CLCA1: variants seen among roughly 807,000 people sequenced by gnomAD.
CLCA1 encodes chloride channel accessory 1, also known as calcium-activated chloride channel regulator 1.
A neutral mutation model predicts 85.6 loss-of-function variants in CLCA1; 59 were observed. The ratio of observed to expected loss-of-function variants is 0.69; its 90% CI spans 0.56 to 0.86. The LOEUF is 0.86. Among genes scored for constraint, CLCA1 ranks in the 40% least tolerant of loss-of-function variants. The pLI, the probability that CLCA1 is intolerant of heterozygous loss-of-function variation, is 0.00. For synonymous variants in CLCA1, 396 were observed against 398.3 expected, an observed-to-expected ratio of 0.99 and a Z score of 0.07; for missense variants, 1,022 against 1,101.4, an observed-to-expected ratio of 0.93 and a Z score of 1.02.
Position 86,482,398 on chromosome 1 carries a change from T to C in CLCA1, c.735+16T>C, listed in dbSNP as rs767750471. ...TGTTGATTCTGTAAGTACCTTGTTC[T>C]CACCCCCTCCCCCAGATTCTTATGA... On this transcript the variant is annotated intron_variant, in intron 5 of 13. Transcript: ENST00000394711. 1.1e-5 allele frequency: 17 copies of C among 1,606,320 alleles called. No homozygotes were observed. The highest frequency in any genetic ancestry group is 1.7e-5 in the Admixed American group (1 of 59,554).
chr1:86,478,911 T>C (rs527244809), intron 4 of CLCA1, among the ~76,000 whole-genome samples: 160 of 152,354 alleles, frequency 1.1e-3, no homozygotes, highest in African/African-American at 3.7e-3. Flanking sequence ...GTTACTTCAT[T>C]CATATGATAC....
At chr1:86,469,279 A>G (rs1160723373) in intron 1 of CLCA1, 146 bp downstream of exon 1, 26 of 584,276 alleles carry the variant, frequency 4.4e-5, no homozygotes, top group Non-Finnish European at 7.3e-5. Context: ...AATGGAAATA[A>G]TAACAAGTTA....
intron 3 of CLCA1, 88 bp downstream of exon 3, chr1:86,473,964 C>A (rs1647570771): frequency 1.1e-6 from 1 of 904,976 alleles, no homozygotes; most frequent in South Asian, 3.2e-5. Context: ...TGTGAGTAAG[C>A]ATGTATAAGC....
At chr1:86,478,067 C>G (rs2101731711) in intron 4 of CLCA1, among the ~76,000 whole-genome samples, 1 of 152,286 alleles carries the variant, frequency 6.6e-6, no homozygotes, top group East Asian at 1.9e-4. Context: ...TTATAACAGT[C>G]AGACTCTGTA....
intron 9 of CLCA1, among the ~76,000 whole-genome samples, chr1:86,492,865 C>G (rs5744395): frequency 6.6e-6 from 1 of 152,126 alleles, no homozygotes; most frequent in Non-Finnish European, 1.5e-5. Context: ...ATAAGATGAG[C>G]TTCATATACC....
intron 9 of CLCA1, 100 bp from the exon 10 acceptor site, chr1:86,493,284 A>C (rs1648185568): frequency 8.4e-6 from 7 of 836,570 alleles, no homozygotes. Context: ...GCATCACTGA[A>C]GTCTTTTTAA....
chr1:86,490,915 A>AAAAAATAC (rs1648117325), intron 8 of CLCA1, among the ~76,000 whole-genome samples: 2 of 147,938 alleles, frequency 1.4e-5, no homozygotes, highest in African/African-American at 5.0e-5. Flanking sequence ...AAAAAAAAAA[A>AAAAAATAC]AAAAAAATAC....
intron 4 of CLCA1, among the ~76,000 whole-genome samples, chr1:86,479,244 A>G (rs1438728191): frequency 6.6e-6 from 1 of 152,262 alleles, no homozygotes; most frequent in Non-Finnish European, 1.5e-5. Context: ...GTTCAAAAAT[A>G]TAATAGAACA....
At chr1:86,469,459 T>C (rs2101724811) in intron 1 of CLCA1, among the ~76,000 whole-genome samples, 1 of 152,336 alleles carries the variant, frequency 6.6e-6, no homozygotes, top group East Asian at 1.9e-4. Flanking sequence ...TTGACAGATA[T>C]TGTGAGATGC....
intron 4 of CLCA1, among the ~76,000 whole-genome samples, chr1:86,477,677 G>A (rs140529114): frequency 6.6e-6 from 1 of 152,184 alleles, no homozygotes; most frequent in African/African-American, 2.4e-5. Flanking sequence ...AAAATTAAGG[G>A]AAAAACAAAC....
At chr1:86,488,265 C>T (rs1648037835) in intron 7 of CLCA1, among the ~76,000 whole-genome samples, 1 of 152,174 alleles carries the variant, frequency 6.6e-6, no homozygotes, top group Non-Finnish European at 1.5e-5. Flanking sequence ...AGAGTGGACT[C>T]TTGCTTTCTC....
At chr1:86,479,366 C>G (rs1340303313) in intron 4 of CLCA1, among the ~76,000 whole-genome samples, 2 of 151,788 alleles carry the variant, frequency 1.3e-5, no homozygotes, top group Non-Finnish European at 2.9e-5. Context: ...TAAAAGAAAA[C>G]CAAGGTAAAT....
chr1:86,479,133 C>G (rs1429022467), intron 4 of CLCA1, among the ~76,000 whole-genome samples: 1 of 152,064 alleles, frequency 6.6e-6, no homozygotes, highest in Admixed American at 6.5e-5. Context: ...TTAGAAAACA[C>G]AAGGAAATAA....
At position 86,468,946 on chromosome 1, in the gene CLCA1, G is replaced by C; in HGVS notation, c.-26G>C. 1.3e-6 allele frequency: 2 copies of C among 1,569,826 alleles called. No individual in the cohort carries two copies. The highest frequency in any genetic ancestry group is 1.7e-6 in the Non-Finnish European group (2 of 1,155,392). The stretch of plus-strand genomic sequence containing the variant: ...CTTCGTAACCCGCATTTTCCAAAGA[G>C]AGAAATCACAGGGAGATGTACAGCA... On this transcript the variant is annotated 5_prime_UTR_variant, in exon 1 of 14. Transcript: ENST00000394711.
intron 7 of CLCA1, among the ~76,000 whole-genome samples, chr1:86,487,827 G>T (rs5744375): frequency 0.026 from 3,983 of 152,292 alleles, 60 homozygotes; most frequent in Middle Eastern, 0.048. Flanking sequence ...CAACTCAGCT[G>T]TCTTCTGTCT....
chr1:86,479,399 A>C (rs919199451), intron 4 of CLCA1, among the ~76,000 whole-genome samples: 1 of 152,208 alleles, frequency 6.6e-6, no homozygotes, highest in African/African-American at 2.4e-5. Context: ...AATTCATGGA[A>C]GATATAAACG....
chr1:86,495,058 G>A (rs964280042), intron 11 of CLCA1, among the ~76,000 whole-genome samples: 1 of 149,968 alleles, frequency 6.7e-6, no homozygotes, highest in Admixed American at 6.6e-5. Flanking sequence ...AAAAAAACAT[G>A]TCTGCTTACT....
Position 86,500,158 on chromosome 1 carries a change from T to C in CLCA1, c.*113T>C, listed in dbSNP as rs149378109. ...TAGGGGGCGATATACTAAATGTATA[T>C]AGTACATTTATACTAAATGTATTCC... On this transcript the variant is annotated 3_prime_UTR_variant, in exon 14 of 14. Transcript: ENST00000394711. The C allele has an allele frequency of 7.6e-6, 5 of 654,046 alleles. No individual in the cohort carries two copies. The highest frequency in any genetic ancestry group is 4.2e-5 in the South Asian group (2 of 47,646). The allele number at this position is 654,046 out of a possible 1,614,324, so 40.5% of individuals were successfully genotyped here.
In CLCA1 at chr1:86,473,740, G is replaced by T. The variant is rs772059781; in HGVS notation, c.315G>T (p.Leu105=). ...TTCTTAAATTTCAGGCTGATGTTCTGGTTGCTGAGTCTACTCCTCCAGGTA... is the reference window on the plus strand; with the variant it reads ...TTCTTAAATTTCAGGCTGATGTTCTTGTTGCTGAGTCTACTCCTCCAGGTA... ...KLETYKNADV[L]VAESTPPGND... The change falls in exon 3 of 14, where the codon CTG becomes CTT. Residue 105 remains leucine (L), a synonymous_variant. Coordinates refer to ENST00000394711, the MANE Select transcript of CLCA1 (RefSeq NM_001285.4). The T allele has an allele frequency of 6.3e-7, 1 of 1,575,846 alleles. No individual in the cohort carries two copies. Among genetic ancestry groups the T allele is most frequent in the Admixed American group, 1.9e-5 (1 of 51,460 alleles).
Sources: gnomAD v4.1 joint callset for allele counts (sites outside exome capture counted in the v4.1 genomes callset) on GRCh38, gnomAD v4.1.1 for gene constraint, MANE v1.5 for transcripts, NCBI Gene and HGNC (gene_info 2026-07-23, HGNC 2026-07-21) for gene names.